BANP: variants seen among roughly 807,000 people sequenced by gnomAD.
BANP encodes the protein protein BANP.
BANP carries 11 observed loss-of-function variants against 68.1 expected under a neutral mutation model. That is an observed-to-expected ratio of 0.16 (90% CI 0.10 to 0.27). BANP has a LOEUF of 0.27. BANP is among the 10% of genes least tolerant of loss of function. The pLI is 1.00. For missense variants in BANP, 504 were observed against 722.7 expected (o/e 0.70, Z 3.47); for synonymous variants, 329 against 303.2 (o/e 1.09, Z -0.88).
At chr16:87,951,895 C>T (rs1012981178) in intron 1 of BANP, among the ~76,000 whole-genome samples, 26 of 152,254 alleles carry the variant, frequency 1.7e-4, no homozygotes, top group South Asian at 1.2e-3. Context: ...CGCCCGGGCT[C>T]CTCTGGGGCC....
intron 4 of BANP, among the ~76,000 whole-genome samples, chr16:87,989,631 GACACA>G: frequency 7.8e-6 from 1 of 128,876 alleles, no homozygotes; most frequent in Non-Finnish European, 1.7e-5. Context: ...GCGCATCCAG[GACACA>G]GGACACAGGG....
intron 9 of BANP, 88 bp downstream of exon 9, chr16:88,033,333 G>A (rs990277284): frequency 4.5e-5 from 60 of 1,332,058 alleles, no homozygotes; most frequent in Non-Finnish European, 5.7e-5. Context: ...CGGTTCCGCT[G>A]TGTTTTGGGA....
intron 12 of BANP, among the ~76,000 whole-genome samples, chr16:88,066,387 C>CGCT (rs2088615768): frequency 6.6e-6 from 1 of 152,170 alleles, no homozygotes; most frequent in South Asian, 2.1e-4. Flanking sequence ...CTCTCTGTGG[C>CGCT]GCTGCTGCTG....
chr16:88,076,892 G>A lies in BANP; in HGVS notation c.*231G>A, dbSNP rs1441368811. On this transcript the variant is annotated 3_prime_UTR_variant, in exon 14 of 14. Transcript: ENST00000682872. ...AGTCCTGCTGTTGGTGTCGGAGCAC[G>A]AGGGGAGGCACGGTGCGGAGAGCGT... 3 of 538,342 alleles carry A rather than the reference G, an allele frequency of 5.6e-6. No homozygotes were observed. The highest frequency in any genetic ancestry group is 3.6e-5 in the Admixed American group (1 of 27,472). 33.3% of individuals were successfully genotyped at this position (538,342 alleles called of 1,614,324 possible).
In BANP at chr16:88,064,264, G is replaced by A. The variant is rs979971768; in HGVS notation, c.1312-1003G>A. On this transcript the variant is annotated intron_variant, in intron 11 of 13. Coordinates refer to ENST00000682872, the MANE Select transcript of BANP (RefSeq NM_001386991.1). The surrounding 1 kb of genome is among the most constrained non-coding windows in gnomAD (Gnocchi z 4.5). ...GTTGAGGCAGTTGTGCGTCCACGGC[G>A]GGGCCTGCCTCCGTGGCAGCGCTCC... Among the ~76,000 whole-genome samples the A allele has an allele frequency of 5.9e-5, 9 of 152,260 alleles. No individual in the cohort carries two copies. Among genetic ancestry groups the A allele is most frequent in the East Asian group, 3.9e-4 (2 of 5,170 alleles).
intron 4 of BANP, among the ~76,000 whole-genome samples, chr16:87,988,055 G>A (rs1004272127): frequency 6.6e-6 from 1 of 152,118 alleles, no homozygotes; most frequent in Non-Finnish European, 1.5e-5. Flanking sequence ...GAAAATTGTA[G>A]GGGAGAAATA....
chr16:88,004,630 C>G lies in BANP; in HGVS notation c.479+219C>G, dbSNP rs968052763. On this transcript the variant is annotated intron_variant, in intron 5 of 13. Transcript: ENST00000682872. This position sits in a 1 kb window ranked among gnomAD's most constrained non-coding sequence, Gnocchi z 7.0. ...CAGCCACACCAGGGGCAGCTGCCGC[C>G]GGGGACTTCTGTGTCTCGTGCTGGC... Among the ~76,000 whole-genome samples the G allele has an allele frequency of 6.6e-6, 1 of 152,114 alleles. No individual in the cohort carries two copies. Among genetic ancestry groups the G allele is most frequent in the Non-Finnish European group, 1.5e-5 (1 of 68,010 alleles).
At chr16:88,072,611 C>T (rs2090628443) in intron 13 of BANP, among the ~76,000 whole-genome samples, 1 of 152,256 alleles carries the variant, frequency 6.6e-6, no homozygotes, top group Non-Finnish European at 1.5e-5. Context: ...CCTCGGGCTG[C>T]TGTGGCCCTA....
intron 11 of BANP, among the ~76,000 whole-genome samples, chr16:88,051,850 AG>A (rs2083333981): frequency 6.6e-6 from 1 of 152,242 alleles, no homozygotes; most frequent in African/African-American, 2.4e-5. Context: ...TAAAAAATCT[AG>A]ATTTAAAAAA....
chr16:88,035,591 C>T (rs1195121268), intron 10 of BANP, among the ~76,000 whole-genome samples, 197 bp downstream of exon 10: 5 of 152,222 alleles, frequency 3.3e-5, no homozygotes, highest in South Asian at 2.1e-4. Context: ...CCCTCCTGTC[C>T]GTTGGTCTCC....
chr16:88,075,746 C>CTTTT (rs34974822), intron 13 of BANP, among the ~76,000 whole-genome samples: 9 of 120,892 alleles, frequency 7.4e-5, no homozygotes, highest in Non-Finnish European at 9.9e-5. Flanking sequence ...TTTTCCTTTA[C>CTTTT]TTTTTTTTTT....
intron 6 of BANP, among the ~76,000 whole-genome samples, chr16:88,012,803 A>G (rs1279914729): frequency 6.6e-6 from 1 of 152,180 alleles, no homozygotes; most frequent in African/African-American, 2.4e-5. Flanking sequence ...GATCTTAAAA[A>G]GATTGTGTTT....
chr16:88,056,486 A>G (rs1445667436), intron 11 of BANP, among the ~76,000 whole-genome samples: 5 of 150,190 alleles, frequency 3.3e-5, no homozygotes, highest in Non-Finnish European at 7.4e-5. Flanking sequence ...TAGAGAGAGA[A>G]CTTAGATGAA....
At chr16:87,973,768 A>AAAAAG (rs34197268) in intron 1 of BANP, among the ~76,000 whole-genome samples, 7 of 104,948 alleles carry the variant, frequency 6.7e-5, no homozygotes, top group African/African-American at 2.2e-4. Flanking sequence ...AAAAAAAAAA[A>AAAAAG]AAAAAAGAAA....
At chr16:87,965,770 T>G (rs1165745857) in intron 1 of BANP, among the ~76,000 whole-genome samples, 1 of 152,204 alleles carries the variant, frequency 6.6e-6, no homozygotes, top group African/African-American at 2.4e-5. Flanking sequence ...CTGTAAAGTT[T>G]ATCAAGATTT....
chr16:88,011,434 G>A (rs2073097213), intron 6 of BANP, among the ~76,000 whole-genome samples: 1 of 152,174 alleles, frequency 6.6e-6, no homozygotes, highest in Admixed American at 6.5e-5. Context: ...TGCGTGACCC[G>A]GAGGCGCAGG....
chr16:87,967,731 G>T (rs921739225), intron 1 of BANP, among the ~76,000 whole-genome samples: 1 of 150,562 alleles, frequency 6.6e-6, no homozygotes, highest in East Asian at 2.0e-4. Flanking sequence ...AAGTGATTCT[G>T]CTGCCTCAGC....
chr16:88,027,771 G>T, intron 8 of BANP, 121 bp downstream of exon 8: 1 of 1,243,822 alleles, frequency 8.0e-7, no homozygotes, highest in South Asian at 1.3e-5. Context: ...GCCGAGGCCA[G>T]AGGCTTGCGC....
At chr16:87,978,671 C>T (rs2062665544) in intron 2 of BANP, 1 of 469,670 alleles carries the variant, frequency 2.1e-6, no homozygotes, top group South Asian at 1.6e-5. Context: ...ACCTCAGCCC[C>T]TGAGTAGCTG....
Sources: gnomAD v4.1 joint callset for allele counts (sites outside exome capture counted in the v4.1 genomes callset) on GRCh38, gnomAD v4.1.1 for gene constraint, Gnocchi (gnomAD v3.1) non-coding constraint, MANE v1.5 for transcripts, NCBI Gene and HGNC (gene_info 2026-07-23, HGNC 2026-07-21) for gene names.